ITGA9: variants seen among roughly 807,000 people sequenced by gnomAD.
The protein encoded by ITGA9 is integrin alpha-9.
In ITGA9, 56 loss-of-function variants were observed where a neutral mutation model predicts 127.8. That is an observed-to-expected ratio of 0.44 (90% CI 0.35 to 0.55). ITGA9 has a LOEUF of 0.55. Ranked by LOEUF, ITGA9 falls within the 20% of genes least tolerant of loss-of-function variation. The pLI is 0.00. For synonymous variants in ITGA9, 508 were observed against 514.5 expected (o/e 0.99, Z 0.17); for missense variants, 1,196 against 1,347.1 (o/e 0.89, Z 1.76).
chr3:37,623,786 T>G (rs770288619), intron 15 of ITGA9, among the ~76,000 whole-genome samples: 2 of 152,018 alleles, frequency 1.3e-5, no homozygotes, highest in African/African-American at 2.4e-5. Flanking sequence ...AAATGCAAAA[T>G]CCTGTTTTCT....
At chr3:37,524,773 A>G (rs1356511122) in intron 12 of ITGA9, among the ~76,000 whole-genome samples, 1 of 152,220 alleles carries the variant, frequency 6.6e-6, no homozygotes, top group African/African-American at 2.4e-5. Context: ...ACGGGGATCC[A>G]TGCTTCCCAG....
intron 1 of ITGA9, among the ~76,000 whole-genome samples, chr3:37,453,065 G>A (rs953587244): frequency 9.2e-5 from 14 of 152,050 alleles, no homozygotes; most frequent in African/African-American, 3.1e-4. Context: ...GCTCCCCAGG[G>A]GCAGGGTGTC....
chr3:37,759,811 A>C (rs2125542301), intron 23 of ITGA9, among the ~76,000 whole-genome samples: 1 of 152,146 alleles, frequency 6.6e-6, no homozygotes, highest in East Asian at 1.9e-4. Context: ...AGGCTGAGGC[A>C]GGAGAATCGC....
intron 15 of ITGA9, among the ~76,000 whole-genome samples, chr3:37,576,957 C>G (rs1409092493): frequency 1.3e-5 from 2 of 152,244 alleles, no homozygotes; most frequent in Non-Finnish European, 2.9e-5. Flanking sequence ...ATGGTAGAAT[C>G]AAGTCACCTT....
chr3:37,454,162 C>A (rs1411985308), intron 1 of ITGA9, among the ~76,000 whole-genome samples: 1 of 152,174 alleles, frequency 6.6e-6, no homozygotes. Context: ...GCCAAGCCAG[C>A]CGGAGCATTG....
chr3:37,460,427 A>G (rs1374991064), intron 1 of ITGA9, among the ~76,000 whole-genome samples: 1 of 152,210 alleles, frequency 6.6e-6, no homozygotes, highest in Admixed American at 6.5e-5. Context: ...TTGTAGTTTA[A>G]AAATAACTAA....
At chr3:37,478,947 C>CA (rs1199398892) in intron 3 of ITGA9, among the ~76,000 whole-genome samples, 1 of 152,174 alleles carries the variant, frequency 6.6e-6, no homozygotes, top group Non-Finnish European at 1.5e-5. Context: ...TTAAGTACAG[C>CA]AAAGCCTTCC....
At chr3:37,665,480 C>T (rs1019440634) in intron 17 of ITGA9, among the ~76,000 whole-genome samples, 1 of 151,534 alleles carries the variant, frequency 6.6e-6, no homozygotes, top group African/African-American at 2.4e-5. Context: ...GAAAAAGTCT[C>T]ACTTTGTTGC....
chr3:37,769,574 G>A (rs183262095), intron 23 of ITGA9, among the ~76,000 whole-genome samples: 73 of 152,148 alleles, frequency 4.8e-4, no homozygotes, highest in African/African-American at 1.6e-3. Context: ...CTCAGTTCTG[G>A]CCACTGCTAC....
chr3:37,635,411 A>G (rs1700267901), intron 16 of ITGA9, among the ~76,000 whole-genome samples: 2 of 152,184 alleles, frequency 1.3e-5, no homozygotes, highest in African/African-American at 4.8e-5. Context: ...TTTTAAATTG[A>G]TGAGTCAAGA....
chr3:37,582,434 T>C (rs1699718284), intron 15 of ITGA9, among the ~76,000 whole-genome samples: 1 of 152,198 alleles, frequency 6.6e-6, no homozygotes, highest in African/African-American at 2.4e-5. Flanking sequence ...GGGAGGAAGA[T>C]GGCTAAATGT....
intron 23 of ITGA9, among the ~76,000 whole-genome samples, chr3:37,775,672 A>G (rs1421175497): frequency 6.6e-6 from 1 of 152,056 alleles, no homozygotes; most frequent in African/African-American, 2.4e-5. Flanking sequence ...CAAAAGTCAA[A>G]AATCAACAGA....
chr3:37,614,245 C>T lies in ITGA9; in HGVS notation c.1690-14942C>T, dbSNP rs1364397635. Among the ~76,000 whole-genome samples, 254 of 152,056 alleles carry T rather than the reference C, an allele frequency of 1.7e-3. 1 individual carries two copies. The highest frequency in any genetic ancestry group is 4.3e-3 in the African/African-American group (179 of 41,422). Reference sequence around the variant, plus strand: ...GAATCCTTTCCCCATTGCTTGTTTTCGTCAGGTTTGTCAAAGATCAGATAG... The same window carrying T: ...GAATCCTTTCCCCATTGCTTGTTTTTGTCAGGTTTGTCAAAGATCAGATAG... On this transcript the variant is annotated intron_variant, in intron 15 of 27. Coordinates refer to ENST00000264741, the MANE Select transcript of ITGA9 (RefSeq NM_002207.3).
At chr3:37,674,845 G>A (rs1279090408) in intron 17 of ITGA9, among the ~76,000 whole-genome samples, 1 of 152,220 alleles carries the variant, frequency 6.6e-6, no homozygotes, top group Admixed American at 6.5e-5. Flanking sequence ...ATGTCTCCTT[G>A]TGACAGTTAC....
intron 16 of ITGA9, among the ~76,000 whole-genome samples, chr3:37,634,844 A>G (rs1409738992): frequency 2.0e-5 from 3 of 152,208 alleles, no homozygotes; most frequent in Non-Finnish European, 4.4e-5. Flanking sequence ...TGGATCACAT[A>G]GTAGGCCACA....
chr3:37,693,151 G>A (rs763398077), intron 18 of ITGA9, among the ~76,000 whole-genome samples: 14 of 152,094 alleles, frequency 9.2e-5, no homozygotes, highest in South Asian at 2.1e-4. Context: ...ACCTGGCATC[G>A]GTTGGCCATA....
intron 19 of ITGA9, chr3:37,733,134 G>A (rs971045954): frequency 5.5e-6 from 2 of 363,716 alleles, no homozygotes; most frequent in Middle Eastern, 9.3e-4. Context: ...GTGCCTCTTT[G>A]AGTCCCCTAG....
At chr3:37,686,943 G>A (rs2125664860) in intron 18 of ITGA9, among the ~76,000 whole-genome samples, 1 of 152,190 alleles carries the variant, frequency 6.6e-6, no homozygotes, top group South Asian at 2.1e-4. Flanking sequence ...CACCAGGAGA[G>A]CCCCCCCAAC....
intron 15 of ITGA9, among the ~76,000 whole-genome samples, chr3:37,607,991 A>G (rs771453173): frequency 5.9e-5 from 9 of 152,232 alleles, no homozygotes; most frequent in Non-Finnish European, 4.4e-5. Flanking sequence ...GGATGGCCAG[A>G]CACGAGAAAG....
Sources: gnomAD v4.1 joint callset for allele counts (sites outside exome capture counted in the v4.1 genomes callset) on GRCh38, gnomAD v4.1.1 for gene constraint, MANE v1.5 for transcripts, NCBI Gene and HGNC (gene_info 2026-07-23, HGNC 2026-07-21) for gene names.